HYDIN: variants seen among roughly 807,000 people sequenced by gnomAD.
HYDIN encodes axonemal central pair apparatus protein HYDIN.
HYDIN carries 132 observed loss-of-function variants against 403.9 expected under a neutral mutation model. That is an observed-to-expected ratio of 0.33 (90% CI 0.28 to 0.38). HYDIN has a LOEUF of 0.38. Among genes scored for constraint, HYDIN ranks in the 10% least tolerant of loss-of-function variants. The pLI is 1.00. For synonymous variants in HYDIN, 1,202 were observed against 1,891.7 expected (o/e 0.64, Z 9.46); for missense variants, 2,827 against 5,009.5 (o/e 0.56, Z 13.15).
At chr16:71,229,129 G>C (rs2041168468) in intron 1 of HYDIN, among the ~76,000 whole-genome samples, 1 of 138,962 alleles carries the variant, frequency 7.2e-6, no homozygotes, top group South Asian at 2.6e-4. Flanking sequence ...ACACAGGAAG[G>C]GGAACATCAC....
At chr16:70,871,052 A>T (rs983800031) in intron 65 of HYDIN, among the ~76,000 whole-genome samples, 2 of 152,080 alleles carry the variant, frequency 1.3e-5, no homozygotes, top group African/African-American at 4.8e-5. Flanking sequence ...AAACAAAAAA[A>T]AGTAGTATCT....
At chr16:71,040,500 C>CCA (rs56705998) in intron 18 of HYDIN, among the ~76,000 whole-genome samples, 4 of 146,978 alleles carry the variant, frequency 2.7e-5, no homozygotes, top group African/African-American at 1.0e-4. Flanking sequence ...CCCCTCCCCC[C>CCA]CACACACACA....
chr16:70,829,483 C>T, intron 81 of HYDIN, 135 bp downstream of exon 81: 1 of 702,718 alleles, frequency 1.4e-6, no homozygotes, highest in Non-Finnish European at 2.5e-6. Flanking sequence ...ATCCACCCTC[C>T]TCAGCCTCCC....
At chr16:70,808,838 A>T (rs2035270332) in intron 85 of HYDIN, among the ~76,000 whole-genome samples, 8 of 152,178 alleles carry the variant, frequency 5.3e-5, no homozygotes, top group Admixed American at 5.2e-4. Context: ...TAGAGGTGAT[A>T]TATACAACTG....
At chr16:70,868,875 G>A in intron 65 of HYDIN, 87 bp from the exon 66 acceptor site, 2 of 1,402,816 alleles carry the variant, frequency 1.4e-6, no homozygotes, top group African/African-American at 1.4e-5. Context: ...AGAAGGGAAG[G>A]AGCCAAAGGT....
chr16:71,189,576 G>A (rs1006235390), intron 1 of HYDIN, among the ~76,000 whole-genome samples: 1 of 151,986 alleles, frequency 6.6e-6, no homozygotes, highest in Non-Finnish European at 1.5e-5. Flanking sequence ...GACCATCCTG[G>A]CTAACACAGT....
At chr16:70,982,227 T>C (rs1387068196) in intron 28 of HYDIN, among the ~76,000 whole-genome samples, 2 of 151,280 alleles carry the variant, frequency 1.3e-5, no homozygotes, top group Non-Finnish European at 2.9e-5. Flanking sequence ...TATGTCAATA[T>C]ATTAAAACAT....
chr16:71,192,771 C>G (rs1293913257), intron 1 of HYDIN, among the ~76,000 whole-genome samples: 1 of 152,110 alleles, frequency 6.6e-6, no homozygotes, highest in Non-Finnish European at 1.5e-5. Flanking sequence ...AGGACAGGAA[C>G]TTTGTCTTTT....
intron 19 of HYDIN, among the ~76,000 whole-genome samples, chr16:71,030,972 A>G (rs1273889968): frequency 1.3e-5 from 2 of 151,736 alleles, no homozygotes; most frequent in African/African-American, 2.4e-5. Flanking sequence ...AGGCCGAGGC[A>G]GGTGGATCAT....
At chr16:71,125,980 C>A (rs2084438842) in intron 9 of HYDIN, among the ~76,000 whole-genome samples, 1 of 151,468 alleles carries the variant, frequency 6.6e-6, no homozygotes, top group South Asian at 2.1e-4. Flanking sequence ...AGAACATGGA[C>A]CCCAGTGGAT....
rs949003895 is a variant in HYDIN, at chr16:70,805,200, AAG to A, written c.*2378_*2379del. Among the ~76,000 whole-genome samples, 1 of 152,220 alleles carries A rather than the reference AAG, an allele frequency of 6.6e-6. No homozygotes were observed. Among genetic ancestry groups the A allele is most frequent in the Non-Finnish European group, 1.5e-5 (1 of 68,052 alleles). On this transcript the variant is annotated 3_prime_UTR_variant, in exon 86 of 86. Coordinates refer to ENST00000393567, the MANE Select transcript of HYDIN (RefSeq NM_001270974.2). ...GTAAGACTTCTCAGGACTGTAATGA[AAG>A]AGTTATGGCTGTGGGTTTGGCAAAT...
At chr16:70,887,108 T>C (rs16943526) in intron 58 of HYDIN, among the ~76,000 whole-genome samples, 1 of 152,194 alleles carries the variant, frequency 6.6e-6, no homozygotes, top group Non-Finnish European at 1.5e-5. Flanking sequence ...TAGACTTAAA[T>C]AGACTTTCAA....
At chr16:71,055,234 C>G (rs1272777161) in intron 18 of HYDIN, among the ~76,000 whole-genome samples, 1 of 152,300 alleles carries the variant, frequency 6.6e-6, no homozygotes, top group Non-Finnish European at 1.5e-5. Flanking sequence ...GGGCCAGAAC[C>G]AGGCCTGCCA....
intron 18 of HYDIN, among the ~76,000 whole-genome samples, chr16:71,044,013 C>A (rs959230829): frequency 3.3e-5 from 5 of 151,708 alleles, no homozygotes; most frequent in Admixed American, 1.3e-4. Flanking sequence ...AGAAAGAAAG[C>A]AAGCAAGCAA....
rs572961912 is a variant in HYDIN, at chr16:71,220,722, G to A, written c.-24+9840C>T. On this transcript the variant is annotated intron_variant, in intron 1 of 85. Transcript: ENST00000393567. ...CTGGGGAACCAGACTAGGAGAGAGA[G>A]TGGAGTAATGAGAAGCCTTTCATGT... Among the ~76,000 whole-genome samples, 6 of 152,316 alleles carry A rather than the reference G, an allele frequency of 3.9e-5. No individual in the cohort carries two copies. In the East Asian group the frequency reaches 1.2e-3, roughly 29 times the overall value.
At chr16:70,948,241 A>G (rs1597390376) in intron 41 of HYDIN, among the ~76,000 whole-genome samples, 2 of 149,776 alleles carry the variant, frequency 1.3e-5, no homozygotes, top group Non-Finnish European at 3.0e-5. Context: ...TGCTGGGAAA[A>G]CTGGCTAGCC....
At chr16:70,826,509 A>G (rs2036597981) in intron 83 of HYDIN, among the ~76,000 whole-genome samples, 1 of 151,900 alleles carries the variant, frequency 6.6e-6, no homozygotes, top group Non-Finnish European at 1.5e-5. Flanking sequence ...TTCTTTTCAG[A>G]GGTGATTTAC....
At chr16:71,038,663 T>A (rs12102779) in intron 18 of HYDIN, among the ~76,000 whole-genome samples, 71 of 152,288 alleles carry the variant, frequency 4.7e-4, no homozygotes, top group African/African-American at 9.2e-4. Flanking sequence ...TCTCTTTTTT[T>A]AAAAAAATTT....
chr16:70,802,201 G>A lies in HYDIN; in HGVS notation c.*5379C>T, dbSNP rs938063423. The A allele has an allele frequency of 6.6e-6, 1 of 152,214 alleles. No homozygotes were observed. The highest frequency in any genetic ancestry group is 1.5e-5 in the Non-Finnish European group (1 of 68,046). The allele number at this position is 152,214 out of a possible 1,614,324, so 9.4% of individuals were successfully genotyped here. Reference sequence around the variant, plus strand: ...ACGCAATGAGTAAAGGGCAAAAGTAGGCAGAATTCTAGGATGACCTCCAAT... The same window carrying A: ...ACGCAATGAGTAAAGGGCAAAAGTAAGCAGAATTCTAGGATGACCTCCAAT... On this transcript the variant is annotated 3_prime_UTR_variant, in exon 86 of 86. Transcript: ENST00000393567.
Sources: gnomAD v4.1 joint callset for allele counts (sites outside exome capture counted in the v4.1 genomes callset) on GRCh38, gnomAD v4.1.1 for gene constraint, MANE v1.5 for transcripts, NCBI Gene and HGNC (gene_info 2026-07-23, HGNC 2026-07-21) for gene names.